Variants in NRXN3 observed in about 807,000 individuals in gnomAD.
The protein encoded by NRXN3 is neurexin III.
Under a neutral mutation model 137.6 loss-of-function variants are expected in NRXN3, and 32 were observed. The observed-to-expected ratio is 0.23, with a 90% CI of 0.18 to 0.31. The LOEUF (loss-of-function observed/expected upper bound fraction) is 0.31, where lower values mean the gene tolerates loss of function less well. Ranked by LOEUF, NRXN3 falls within the 10% of genes least tolerant of loss-of-function variation. The pLI is 1.00. For synonymous variants in NRXN3, 798 were observed against 784.5 expected (o/e 1.02, Z -0.29); for missense variants, 1,574 against 2,062.5 (o/e 0.76, Z 4.59).
intron 1 of NRXN3, among the ~76,000 whole-genome samples, chr14:78,193,275 G>A (rs1399301845): frequency 6.6e-6 from 1 of 152,196 alleles, no homozygotes; most frequent in Non-Finnish European, 1.5e-5. Flanking sequence ...CTTGAACTGA[G>A]GCTCAGAGAG....
At chr14:78,391,200 G>A (rs760612494) in intron 4 of NRXN3, among the ~76,000 whole-genome samples, 13 of 152,110 alleles carry the variant, frequency 8.5e-5, no homozygotes, top group Non-Finnish European at 1.6e-4. Flanking sequence ...CATTTACACA[G>A]GAGTACAGAA....
chr14:78,527,218 T>C (rs2096393220), intron 4 of NRXN3, among the ~76,000 whole-genome samples: 1 of 152,190 alleles, frequency 6.6e-6, no homozygotes, highest in South Asian at 2.1e-4. Flanking sequence ...AAAGGAGGTT[T>C]AATTGGCTCA....
intron 10 of NRXN3, among the ~76,000 whole-genome samples, chr14:78,914,340 G>A (rs1210286905): frequency 6.6e-6 from 1 of 152,134 alleles, no homozygotes; most frequent in Non-Finnish European, 1.5e-5. Context: ...TGCACTCTTG[G>A]AACATACATT....
chr14:78,753,275 CAG>C (rs1048261022), intron 8 of NRXN3, among the ~76,000 whole-genome samples: 5 of 151,558 alleles, frequency 3.3e-5, no homozygotes, highest in Admixed American at 6.6e-5. Context: ...GTGAGCAAAA[CAG>C]AAAAAAAAAA....
At chr14:79,209,396 G>T (rs144344377) in intron 15 of NRXN3, among the ~76,000 whole-genome samples, 1 of 151,858 alleles carries the variant, frequency 6.6e-6, no homozygotes, top group Non-Finnish European at 1.5e-5. Flanking sequence ...ATAATGCACT[G>T]CTATGTAATT....
chr14:78,628,829 A>G (rs2097492627), intron 4 of NRXN3, among the ~76,000 whole-genome samples: 1 of 152,200 alleles, frequency 6.6e-6, no homozygotes, highest in Non-Finnish European at 1.5e-5. Flanking sequence ...CACACAGTGA[A>G]TTGCTTAGCT....
intron 6 of NRXN3, among the ~76,000 whole-genome samples, chr14:78,658,715 A>G (rs1208134309): frequency 6.6e-6 from 1 of 152,214 alleles, no homozygotes; most frequent in African/African-American, 2.4e-5. Flanking sequence ...GTAGCATAGA[A>G]CACACATTAT....
At chr14:78,853,946 G>A (rs1237911384) in intron 10 of NRXN3, among the ~76,000 whole-genome samples, 1 of 152,156 alleles carries the variant, frequency 6.6e-6, no homozygotes, top group Non-Finnish European at 1.5e-5. Context: ...CAGAGCTAAA[G>A]CCTAAGAGTA....
At chr14:78,915,794 A>ACTG (rs1206959417) in intron 10 of NRXN3, among the ~76,000 whole-genome samples, 2 of 152,090 alleles carry the variant, frequency 1.3e-5, no homozygotes, top group African/African-American at 4.8e-5. Flanking sequence ...TTTTCAGTAT[A>ACTG]TGAAAGCAGT....
intron 15 of NRXN3, among the ~76,000 whole-genome samples, chr14:79,250,320 C>G (rs1394880994): frequency 6.6e-6 from 1 of 152,016 alleles, no homozygotes; most frequent in Non-Finnish European, 1.5e-5. Flanking sequence ...GTAGAGTTTG[C>G]TTACACTGAA....
At chr14:78,625,698 A>G (rs1246329571) in intron 4 of NRXN3, among the ~76,000 whole-genome samples, 1 of 152,130 alleles carries the variant, frequency 6.6e-6, no homozygotes, top group Non-Finnish European at 1.5e-5. Context: ...ATGCTCAACA[A>G]TCAGTCACAT....
chr14:79,467,140 G>A (rs1461338298), intron 15 of NRXN3, 81 bp from the exon 16 acceptor site: 5 of 1,373,944 alleles, frequency 3.6e-6, no homozygotes, highest in African/African-American at 1.4e-5. Context: ...CAGCTGTTCT[G>A]TGTAGGGTCT....
At chr14:78,451,849 G>A (rs766901188) in intron 4 of NRXN3, among the ~76,000 whole-genome samples, 2 of 152,194 alleles carry the variant, frequency 1.3e-5, no homozygotes, top group African/African-American at 2.4e-5. Context: ...AGCCTTATTT[G>A]CAGGCGTTAG....
In NRXN3 at chr14:78,243,927, G is replaced by T. The variant is rs896975279; in HGVS notation, c.709+125G>T. On this transcript the variant is annotated intron_variant, in intron 2 of 20. Coordinates refer to ENST00000335750, the MANE Select transcript of NRXN3 (RefSeq NM_001330195.2). This position sits in a 1 kb window ranked among gnomAD's most constrained non-coding sequence, Gnocchi z 4.2. ...TGCATGTTAGATCACTGGGCCCCTTGCCCTAAGGAGGCAGTGGAAATCCTT... is the reference window on the plus strand; with the variant it reads ...TGCATGTTAGATCACTGGGCCCCTTTCCCTAAGGAGGCAGTGGAAATCCTT... The T allele has an allele frequency of 4.3e-6, 3 of 701,768 alleles. No individual in the cohort carries two copies. Among genetic ancestry groups the T allele is most frequent in the Non-Finnish European group, 7.1e-6 (3 of 425,334 alleles). The allele number at this position is 701,768 out of a possible 1,614,324, so 43.5% of individuals were successfully genotyped here. A position where few individuals can be genotyped will look rare whatever the true frequency, so the allele number is the denominator to read the frequency against.
At chr14:78,757,280 T>C (rs945870993) in intron 8 of NRXN3, among the ~76,000 whole-genome samples, 1 of 151,982 alleles carries the variant, frequency 6.6e-6, no homozygotes, top group Non-Finnish European at 1.5e-5. Context: ...TGTGGCAATG[T>C]GCACCTGTAG....
chr14:79,273,989 C>T (rs139448367), intron 15 of NRXN3, among the ~76,000 whole-genome samples: 3,047 of 150,634 alleles, frequency 0.02, 59 homozygotes, highest in Non-Finnish European at 0.028. Flanking sequence ...CCCAGCTACT[C>T]GGGAGGCTGA....
intron 2 of NRXN3, among the ~76,000 whole-genome samples, chr14:78,267,076 C>T (rs556975513): frequency 6.6e-6 from 1 of 152,278 alleles, no homozygotes; most frequent in South Asian, 2.1e-4. Flanking sequence ...ATCCCAGGCC[C>T]ATGTCTAGCT....
chr14:78,771,119 C>T (rs1275053793), intron 8 of NRXN3, among the ~76,000 whole-genome samples: 1 of 152,214 alleles, frequency 6.6e-6, no homozygotes, highest in Admixed American at 6.5e-5. Context: ...TGCAGAACCC[C>T]TTCAGAGGTG....
chr14:79,708,867 C>T (rs1272243300), intron 19 of NRXN3, among the ~76,000 whole-genome samples: 6 of 152,250 alleles, frequency 3.9e-5, no homozygotes, highest in Non-Finnish European at 7.4e-5. Context: ...ATGCACACCA[C>T]GTCTGTGGTG....
Sources: gnomAD v4.1 joint callset for allele counts (sites outside exome capture counted in the v4.1 genomes callset) on GRCh38, gnomAD v4.1.1 for gene constraint, Gnocchi (gnomAD v3.1) non-coding constraint, MANE v1.5 for transcripts, NCBI Gene and HGNC (gene_info 2026-07-23, HGNC 2026-07-21) for gene names.